COLEC10: variants seen among roughly 807,000 people sequenced by gnomAD.
The protein encoded by COLEC10 is collectin-10.
COLEC10 carries 22 observed loss-of-function variants against 28.4 expected under a neutral mutation model. That is an observed-to-expected ratio of 0.78 (90% CI 0.55 to 1.11). The LOEUF (loss-of-function observed/expected upper bound fraction) is 1.11. COLEC10 is among the 50% of genes least tolerant of loss of function. The pLI is 0.00. For missense variants in COLEC10, 361 were observed against 344.1 expected, an observed-to-expected ratio of 1.05 and a Z score of -0.39; for synonymous variants, 125 against 116.1, an observed-to-expected ratio of 1.08 and a Z score of -0.49.
Position 119,086,821 on chromosome 8 carries a change from G to A in COLEC10, c.149-2859G>A, listed in dbSNP as rs1024892839. ...TCTTGCCTTTTCATGAGCAGGACGC[G>A]CATCATTAGTCTCATTGTACAGAAG... On this transcript the variant is annotated intron_variant, in intron 1 of 5. Transcript: ENST00000332843. 6.6e-5 allele frequency among the ~76,000 whole-genome samples: 10 copies of A among 152,174 alleles called. No individual in the cohort carries two copies. In the East Asian group the frequency reaches 7.7e-4, roughly 12 times the overall value.
chr8:118,990,758 C>T (rs1004366956), upstream of COLEC10, among the ~76,000 whole-genome samples: 6 of 152,134 alleles, frequency 3.9e-5, no homozygotes, highest in Admixed American at 1.3e-4. Flanking sequence ...GCAGATGAGA[C>T]CACTGAGAAC....
intron 2 of COLEC10, among the ~76,000 whole-genome samples, chr8:119,059,691 T>C (rs1814820007): frequency 6.6e-6 from 1 of 152,024 alleles, no homozygotes; most frequent in Non-Finnish European, 1.5e-5. Context: ...GGTGGAGTTT[T>C]TTCCATACAT....
chr8:118,974,320 TATG>T, the COLEC10 span, among the ~76,000 whole-genome samples: 2 of 151,916 alleles, frequency 1.3e-5, no homozygotes, highest in Non-Finnish European at 2.9e-5. Flanking sequence ...ACAGAGGAAG[TATG>T]ATAAGAGAAA....
At chr8:119,091,595 G>GAGAGAGAAAGAAAGAAAGAAAGAAAGAA (rs1250359009) in intron 3 of COLEC10, among the ~76,000 whole-genome samples, 5 of 138,566 alleles carry the variant, frequency 3.6e-5, no homozygotes, top group African/African-American at 1.4e-4. Context: ...GAGAGAGAGA[G>GAGAGAGAAAGAAAGAAAGAAAGAAAGAA]AGAAAGAAAG....
chr8:119,085,192 C>T (rs1483135482), intron 1 of COLEC10, among the ~76,000 whole-genome samples: 1 of 152,134 alleles, frequency 6.6e-6, no homozygotes, highest in African/African-American at 2.4e-5. Flanking sequence ...AAGTGGCTGA[C>T]TTGAAAGAAT....
intron 2 of COLEC10, among the ~76,000 whole-genome samples, chr8:119,029,353 A>C (rs544039359): frequency 1.3e-5 from 2 of 152,322 alleles, no homozygotes; most frequent in African/African-American, 4.8e-5. Context: ...CAATCTGGAC[A>C]ATCAAGTCTT....
chr8:119,017,493 G>T (rs80263009), intron 2 of COLEC10, among the ~76,000 whole-genome samples: 2,573 of 152,234 alleles, frequency 0.017, 32 homozygotes, highest in Middle Eastern at 0.031. Flanking sequence ...AGGATTCTGA[G>T]GCTGAAACCA....
chr8:119,043,199 T>A (rs998452736), intron 2 of COLEC10, among the ~76,000 whole-genome samples: 7 of 152,218 alleles, frequency 4.6e-5, no homozygotes, highest in African/African-American at 1.7e-4. Flanking sequence ...TGTTTCTGTT[T>A]CTTATCCACC....
chr8:119,013,832 T>C (rs1274393542), intron 2 of COLEC10, among the ~76,000 whole-genome samples: 1 of 150,902 alleles, frequency 6.6e-6, no homozygotes, highest in Non-Finnish European at 1.5e-5. Context: ...TCTTTCTCCA[T>C]CTATTTACTT....
In COLEC10 at chr8:119,107,768, G is replaced by C. The variant is rs1199934637; in HGVS notation, c.*1577G>C. Among the ~76,000 whole-genome samples the C allele has an allele frequency of 6.6e-6, 1 of 152,138 alleles. No individual in the cohort carries two copies. Among genetic ancestry groups the C allele is most frequent in the African/African-American group, 2.4e-5 (1 of 41,440 alleles). On this transcript the variant is annotated 3_prime_UTR_variant, in exon 6 of 6. Transcript: ENST00000332843. ...CAGCTGCTCCTCAGTGGCTGCTGCT[G>C]GTGCTAGGGAGGACCCAATCTTGCT...
At position 119,102,362 on chromosome 8, in the gene COLEC10, A is replaced by C. The variant is rs1202649704; in HGVS notation, c.307A>C (p.Lys103Gln). Residue 103 changes from lysine (K) to glutamine (Q), a missense_variant, in exon 4 of 6, where the codon AAA becomes CAA. Physicochemically the swap from Lys to Gln is moderately conservative, Grantham distance 53. Coordinates refer to ENST00000332843, the MANE Select transcript of COLEC10 (RefSeq NM_006438.5). ...PIGKKGDKGE[K>Q]GLLGIPGEKG... ...TTTTTTTTCAGGTGACAAAGGGGAA[A>C]AAGGTTTGCTTGGAATACCTGGAGA... The C allele has an allele frequency of 6.2e-7, 1 of 1,608,114 alleles. No individual in the cohort carries two copies. The highest frequency in any genetic ancestry group is 8.5e-7 in the Non-Finnish European group (1 of 1,176,728).
chr8:118,956,526 C>A, the COLEC10 span, among the ~76,000 whole-genome samples: 2 of 152,122 alleles, frequency 1.3e-5, no homozygotes, highest in Non-Finnish European at 1.5e-5. Context: ...AGAGATACAA[C>A]CTCTTGCTTA....
chr8:118,961,530 T>G, the COLEC10 span, among the ~76,000 whole-genome samples: 5 of 152,162 alleles, frequency 3.3e-5, no homozygotes, highest in African/African-American at 1.2e-4. Context: ...TCAACAACAC[T>G]AAGGGACACT....
intron 1 of COLEC10, among the ~76,000 whole-genome samples, chr8:119,087,608 T>G (rs1009817594): frequency 3.3e-5 from 5 of 151,732 alleles, no homozygotes; most frequent in Non-Finnish European, 5.9e-5. Context: ...TAATAAGCTG[T>G]TTTTTTTCTT....
chr8:119,076,707 G>C (rs907711459), intron 1 of COLEC10, among the ~76,000 whole-genome samples: 1 of 152,208 alleles, frequency 6.6e-6, no homozygotes, highest in Admixed American at 6.5e-5. Context: ...AAATAGTTTT[G>C]ATAGTGTGGT....
chr8:118,988,499 C>T, the COLEC10 span, among the ~76,000 whole-genome samples: 4 of 151,970 alleles, frequency 2.6e-5, no homozygotes, highest in South Asian at 2.1e-4. Context: ...GTTAAGGCTT[C>T]AAGGAAATAG....
chr8:118,994,992 GA>G (rs550821304), upstream of COLEC10, among the ~76,000 whole-genome samples: 2 of 151,544 alleles, frequency 1.3e-5, no homozygotes, highest in Admixed American at 6.6e-5. Context: ...GGCAAAAGGG[GA>G]AAAAAAGGAG....
the COLEC10 span, among the ~76,000 whole-genome samples, chr8:118,964,453 C>G: frequency 6.6e-6 from 1 of 152,038 alleles, no homozygotes; most frequent in Non-Finnish European, 1.5e-5. Context: ...CTTGCCTGTA[C>G]AATTAGGTTA....
chr8:118,991,417 A>T (rs1813504869), upstream of COLEC10, among the ~76,000 whole-genome samples: 1 of 152,170 alleles, frequency 6.6e-6, no homozygotes, highest in African/African-American at 2.4e-5. Context: ...CTTATGAAAA[A>T]TATCTATTAA....
Sources: gnomAD v4.1 joint callset for allele counts (sites outside exome capture counted in the v4.1 genomes callset) on GRCh38, gnomAD v4.1.1 for gene constraint, MANE v1.5 for transcripts, NCBI Gene and HGNC (gene_info 2026-07-23, HGNC 2026-07-21) for gene names.